CGAS: variants seen among roughly 807,000 people sequenced by gnomAD.
CGAS encodes 2'3'-cGAMP synthase.
A neutral mutation model predicts 34.0 loss-of-function variants in CGAS; 31 were observed. The ratio of observed to expected loss-of-function variants is 0.91; its 90% CI spans 0.69 to 1.23. The LOEUF (loss-of-function observed/expected upper bound fraction) is 1.23, where lower values mean the gene tolerates loss of function less well. CGAS is among the 50% of genes most tolerant of loss of function. The probability of loss-of-function intolerance (pLI) is 0.00; values close to 1 mark genes in which losing one functional copy is unlikely to be tolerated. For missense variants in CGAS, 597 were observed against 657.6 expected, an observed-to-expected ratio of 0.91 and a Z score of 1.01; for synonymous variants, 266 against 260.0, an observed-to-expected ratio of 1.02 and a Z score of -0.22.
At chr6:73,433,275 T>A (rs1382839867) in intron 3 of CGAS, among the ~76,000 whole-genome samples, 4 of 151,530 alleles carry the variant, frequency 2.6e-5, no homozygotes, top group Admixed American at 2.0e-4. Context: ...TTTTTTTTTT[T>A]AATACAGACA....
At position 73,426,601 on chromosome 6, in the gene CGAS, C is replaced by T. The variant is rs779232869; in HGVS notation, c.1218-1023G>A. Among the ~76,000 whole-genome samples, 4 of 151,468 alleles carry T rather than the reference C, an allele frequency of 2.6e-5. No individual in the cohort carries two copies. In the South Asian group the frequency reaches 8.3e-4, roughly 31 times the overall value. On this transcript the variant is annotated intron_variant, in intron 4 of 4. Coordinates refer to ENST00000370315, the MANE Select transcript of CGAS (RefSeq NM_138441.3). ...TGATACAATCTCGGCTCACTGCAAC[C>T]TCTGACCCTCCCCTCACCCCCCTCA...
chr6:73,445,472 A>C, intron 2 of CGAS, 56 bp downstream of exon 2: 1 of 1,273,580 alleles, frequency 7.9e-7, no homozygotes, highest in South Asian at 1.4e-5. Flanking sequence ...GGGAGTGTAC[A>C]TTGGCAATTA....
intron 4 of CGAS, among the ~76,000 whole-genome samples, chr6:73,425,924 A>C (rs1417625473): frequency 6.6e-6 from 1 of 152,106 alleles, no homozygotes; most frequent in Non-Finnish European, 1.5e-5. Context: ...CAGTGAGCCA[A>C]GATCGCGTCA....
intron 3 of CGAS, among the ~76,000 whole-genome samples, chr6:73,434,899 C>T (rs1398884979): frequency 3.3e-5 from 5 of 152,084 alleles, no homozygotes; most frequent in Admixed American, 1.3e-4. Context: ...CTGCCCACCT[C>T]GGCCTCCCAA....
Position 73,442,638 on chromosome 6 carries a change from G to C in CGAS, c.878-2193C>G, listed in dbSNP as rs533152319. Among the ~76,000 whole-genome samples, 18 of 133,392 alleles carry C rather than the reference G, an allele frequency of 1.3e-4. 1 individual carries two copies. The South Asian group carries it at 3.9e-3, about 29-fold the overall frequency. The allele number at this position is 133,392 out of a possible 152,430, so 87.5% of individuals were successfully genotyped here. A position where few individuals can be genotyped will look rare whatever the true frequency, so the allele number is the denominator to read the frequency against. On this transcript the variant is annotated intron_variant, in intron 2 of 4. Coordinates refer to ENST00000370315, the MANE Select transcript of CGAS (RefSeq NM_138441.3). Reference sequence around the variant, plus strand: ...TTTTCTGAGACAGTCTTGCTCTGTCGCTCAGGCTGGAGTGCAGTGGCGCAA... The same window carrying C: ...TTTTCTGAGACAGTCTTGCTCTGTCCCTCAGGCTGGAGTGCAGTGGCGCAA...
chr6:73,451,779 G>A lies in CGAS; in HGVS notation c.403C>T (p.Pro135Ser). 6.3e-7 allele frequency: 1 copy of A among 1,594,524 alleles called. No individual in the cohort carries two copies. The highest frequency in any genetic ancestry group is 8.5e-7 in the Non-Finnish European group (1 of 1,171,530). Residue 135 changes from proline (P) to serine (S), a missense_variant, in exon 1 of 5, where the codon CCG becomes TCG. Around this residue, in one of 3 missense-constraint regions of CGAS, gnomAD observed 321 missense variants for 314.3 expected, o/e 1.02. Transcript: ENST00000370315. ...GARCSTKPRP[P>S]PGPWDVPSPG... ...CTGGGCACGTCCCAGGGCCCGGGCG[G>A]AGGTCTTGGCTTCGTGGAGCAGCGC...
In CGAS at chr6:73,451,920, C is replaced by T. The variant is rs1024891888; in HGVS notation, c.262G>A (p.Ala88Thr). ...GCGTCAGACGGCTGCGTGTCCTGGG[C>T]GCGCTGAGGGGCCTTTTTGGCGCGG... ...GARAKKAPQR[A>T]QDTQPSDATS... Residue 88 changes from alanine (A) to threonine (T), a missense_variant, in exon 1 of 5, where the codon GCC becomes ACC. Ala to Thr is a moderately conservative substitution (Grantham distance 58, BLOSUM62 0). Around this residue, in one of 3 missense-constraint regions of CGAS, gnomAD observed 321 missense variants for 314.3 expected, o/e 1.02. Coordinates refer to ENST00000370315, the MANE Select transcript of CGAS (RefSeq NM_138441.3). 2.6e-6 allele frequency: 4 copies of T among 1,512,052 alleles called. No homozygotes were observed. The highest frequency in any genetic ancestry group is 1.2e-5 in the South Asian group (1 of 80,536). 93.7% of individuals were successfully genotyped at this position (1,512,052 alleles called of 1,614,324 possible). A position where few individuals can be genotyped will look rare whatever the true frequency, so the allele number is the denominator to read the frequency against.
Position 73,425,091 on chromosome 6 carries a change from T to C in CGAS, c.*136A>G. ...CTGGTCTCAAACTCCTGACCTCAAG[T>C]GATCCGCCTGCCTCGGCCTCCAAAG... On this transcript the variant is annotated 3_prime_UTR_variant, in exon 5 of 5. Coordinates refer to ENST00000370315, the MANE Select transcript of CGAS (RefSeq NM_138441.3). 1.7e-6 allele frequency: 1 copy of C among 587,122 alleles called. No homozygotes were observed. 36.4% of individuals were successfully genotyped at this position (587,122 alleles called of 1,614,324 possible).
Position 73,451,962 on chromosome 6 carries a change from C to T in CGAS, c.220G>A (p.Val74Ile), listed in dbSNP as rs375723811. 1.1e-5 allele frequency: 16 copies of T among 1,485,348 alleles called. No homozygotes were observed. Among genetic ancestry groups the T allele is most frequent in the Admixed American group, 5.0e-5 (2 of 40,004 alleles). The allele number at this position is 1,485,348 out of a possible 1,614,324, so 92.0% of individuals were successfully genotyped here. Residue 74 changes from valine to isoleucine, a missense_variant, in exon 1 of 5, where the codon GTC becomes ATC. Val to Ile is a conservative substitution (Grantham distance 29, BLOSUM62 3). Around this residue, in one of 3 missense-constraint regions of CGAS, gnomAD observed 321 missense variants for 314.3 expected, o/e 1.02. Transcript: ENST00000370315. Reference protein sequence around the residue: ...SAPDTQERPPVRATGARAKKA... With the variant: ...SAPDTQERPPIRATGARAKKA... Reference sequence around the variant, plus strand: ...TTGGCGCGGGCCCCAGTTGCGCGGACGGGCGGCCTCTCCTGGGTGTCCGGG... The same window carrying T: ...TTGGCGCGGGCCCCAGTTGCGCGGATGGGCGGCCTCTCCTGGGTGTCCGGG...
At position 73,425,097 on chromosome 6, in the gene CGAS, G is replaced by A. The variant is rs564516098; in HGVS notation, c.*130C>T. The A allele has an allele frequency of 6.2e-5, 38 of 611,070 alleles. No homozygotes were observed. Among genetic ancestry groups the A allele is most frequent in the South Asian group, 3.7e-4 (17 of 46,162 alleles). The allele number at this position is 611,070 out of a possible 1,614,324, so 37.9% of individuals were successfully genotyped here. A position where few individuals can be genotyped will look rare whatever the true frequency, so the allele number is the denominator to read the frequency against. On this transcript the variant is annotated 3_prime_UTR_variant, in exon 5 of 5. Coordinates refer to ENST00000370315, the MANE Select transcript of CGAS (RefSeq NM_138441.3). Reference sequence around the variant, plus strand: ...TCAAACTCCTGACCTCAAGTGATCCGCCTGCCTCGGCCTCCAAAGAGCTGG... The same window carrying A: ...TCAAACTCCTGACCTCAAGTGATCCACCTGCCTCGGCCTCCAAAGAGCTGG...
intron 3 of CGAS, among the ~76,000 whole-genome samples, chr6:73,438,237 T>C (rs1433109794): frequency 2.0e-5 from 3 of 152,212 alleles, no homozygotes; most frequent in Non-Finnish European, 4.4e-5. Context: ...AGTCCCTCTG[T>C]TCACATACAC....
chr6:73,425,848 C>A (rs1056922660), intron 4 of CGAS, among the ~76,000 whole-genome samples: 1 of 152,154 alleles, frequency 6.6e-6, no homozygotes, highest in African/African-American at 2.4e-5. Flanking sequence ...GTGGCGCACG[C>A]CTGTAATCCC....
chr6:73,441,160 C>T (rs910622144), intron 2 of CGAS, among the ~76,000 whole-genome samples: 6 of 149,942 alleles, frequency 4.0e-5, no homozygotes, highest in Non-Finnish European at 5.9e-5. Flanking sequence ...ACGATCTCGG[C>T]TCACTGCAAC....
rs1487616055 is a variant in CGAS, at chr6:73,428,822, A to G, written c.1115-11T>C. 1 of 1,603,798 alleles carries G rather than the reference A, an allele frequency of 6.2e-7. No homozygotes were observed. Among genetic ancestry groups the G allele is most frequent in the Admixed American group, 1.7e-5 (1 of 57,312 alleles). On this transcript the variant is annotated splice_polypyrimidine_tract_variant and intron_variant, in intron 3 of 4. Transcript: ENST00000370315. The stretch of plus-strand genomic sequence containing the variant: ...GCCGCCATGTTTCTTCTTAATTTCA[A>G]AAAGAAAAACAAAAAAGCACTTTAC...
chr6:73,435,796 A>G, intron 3 of CGAS, among the ~76,000 whole-genome samples: 1 of 132,758 alleles, frequency 7.5e-6, no homozygotes, highest in African/African-American at 2.8e-5. Context: ...AAAAAAAAAA[A>G]AGTGTACCTT....
rs761236333 is a variant in CGAS at position 73,452,195 on chromosome 6, T to C, written c.-14A>G. The C allele has an allele frequency of 1.6e-5, 26 of 1,586,274 alleles. No individual in the cohort carries two copies. The highest frequency in any genetic ancestry group is 2.1e-5 in the Non-Finnish European group (24 of 1,169,688). On this transcript the variant is annotated 5_prime_UTR_variant, in exon 1 of 5. Coordinates refer to ENST00000370315, the MANE Select transcript of CGAS (RefSeq NM_138441.3). ...CCAAGGCTGCATGGCTGGCGCTTTC[T>C]GTTCCCCGAAAGAAGAATCCGTTTC...
At chr6:73,450,763 C>A (rs1770550707) in intron 1 of CGAS, among the ~76,000 whole-genome samples, 1 of 151,966 alleles carries the variant, frequency 6.6e-6, no homozygotes, top group East Asian at 1.9e-4. Flanking sequence ...CCGAGACGAG[C>A]GAATCAAGAG....
In CGAS at chr6:73,432,043, T is replaced by G. The variant is rs540282230; in HGVS notation, c.1115-3232A>C. ...CGGGGTCTCTCCACCTTGCCCAGGC[T>G]GATCTCAAACTCCTGGGGTCCAGCA... On this transcript the variant is annotated intron_variant, in intron 3 of 4. Transcript: ENST00000370315. Among the ~76,000 whole-genome samples the G allele has an allele frequency of 4.6e-5, 7 of 152,294 alleles. No individual in the cohort carries two copies. In the South Asian group the frequency reaches 1.5e-3, roughly 32 times the overall value.
At chr6:73,426,728 G>A (rs1049093421) in intron 4 of CGAS, among the ~76,000 whole-genome samples, 68 of 151,628 alleles carry the variant, frequency 4.5e-4, no homozygotes, top group African/African-American at 1.6e-3. Context: ...TTGTATCACA[G>A]AATTATTTAC....
Sources: gnomAD v4.1 joint callset for allele counts (sites outside exome capture counted in the v4.1 genomes callset) on GRCh38, gnomAD v4.1.1 for gene constraint, gnomAD v4.1.1 regional missense constraint, MANE v1.5 for transcripts, NCBI Gene and HGNC (gene_info 2026-07-23, HGNC 2026-07-21) for gene names.